Variants in NTM observed in about 807,000 individuals in gnomAD.
NTM encodes the protein neurotrimin, also known as IgLON family member 2.
A neutral mutation model predicts 42.1 loss-of-function variants in NTM; 13 were observed. The ratio of observed to expected loss-of-function variants is 0.31; its 90% CI spans 0.20 to 0.49. NTM has a LOEUF of 0.49. NTM is among the 20% of genes least tolerant of loss of function. The probability of loss-of-function intolerance (pLI) is 0.99; values close to 1 mark genes in which losing one functional copy is unlikely to be tolerated. For synonymous variants in NTM, 187 were observed against 179.2 expected, an observed-to-expected ratio of 1.04 and a Z score of -0.35; for missense variants, 373 against 452.8, an observed-to-expected ratio of 0.82 and a Z score of 1.60.
chr11:131,385,334 G>T (rs554653125), intron 1 of NTM: 1 of 152,254 alleles, frequency 6.6e-6, no homozygotes, highest in South Asian at 2.1e-4. Context: ...ATATGGTTAA[G>T]GCAATTCTAC....
At chr11:131,996,510 A>G (rs541520341) in intron 2 of NTM, among the ~76,000 whole-genome samples, 2 of 152,282 alleles carry the variant, frequency 1.3e-5, no homozygotes, top group East Asian at 3.9e-4. Context: ...CCGTCCATTC[A>G]TTAAGATGCT....
At chr11:131,769,597 T>C (rs773449301) in intron 1 of NTM, 39 of 983,370 alleles carry the variant, frequency 4.0e-5, no homozygotes, top group Non-Finnish European at 4.6e-5. Context: ...TGGATAATGC[T>C]GTCCTGCATG....
chr11:131,748,933 G>A (rs1343733136), intron 1 of NTM, among the ~76,000 whole-genome samples: 3 of 152,158 alleles, frequency 2.0e-5, no homozygotes, highest in Admixed American at 6.5e-5. Flanking sequence ...GCCCCGGCTC[G>A]GCCTTTCTCT....
At chr11:132,166,750 G>A (rs550312857) in intron 3 of NTM, among the ~76,000 whole-genome samples, 2 of 152,182 alleles carry the variant, frequency 1.3e-5, no homozygotes, top group Non-Finnish European at 2.9e-5. Context: ...CACGATGAGT[G>A]AGTCTGGCAC....
At chr11:131,891,953 T>C (rs2051413035) in intron 1 of NTM, among the ~76,000 whole-genome samples, 1 of 152,232 alleles carries the variant, frequency 6.6e-6, no homozygotes, top group South Asian at 2.1e-4. Flanking sequence ...CTCTCTAAAA[T>C]GAGCCACAGC....
intron 1 of NTM, among the ~76,000 whole-genome samples, chr11:131,879,849 CA>C (rs1163939963): frequency 1.3e-5 from 2 of 152,068 alleles, no homozygotes; most frequent in Non-Finnish European, 2.9e-5. Context: ...CTTTATGTTT[CA>C]ATGGTCTGTG....
At chr11:131,731,079 A>G (rs924919138) in intron 1 of NTM, among the ~76,000 whole-genome samples, 2 of 152,058 alleles carry the variant, frequency 1.3e-5, no homozygotes, top group East Asian at 1.9e-4. Context: ...ATGATTTTTT[A>G]TGCTATAAAA....
At chr11:132,142,512 A>C (rs10791210) in intron 2 of NTM, among the ~76,000 whole-genome samples, 17,029 of 151,944 alleles carry the variant, frequency 0.11, 1,223 homozygotes, top group African/African-American at 0.2. Context: ...TTAACCGAGG[A>C]GCGATGTGTC....
chr11:131,873,934 T>G (rs2048172074), intron 1 of NTM, among the ~76,000 whole-genome samples: 1 of 138,208 alleles, frequency 7.2e-6, no homozygotes, highest in African/African-American at 2.6e-5. Context: ...TGTGTTAGTT[T>G]GCTGAGAATG....
intron 1 of NTM, among the ~76,000 whole-genome samples, chr11:131,812,685 T>A (rs1237743970): frequency 6.6e-6 from 1 of 152,092 alleles, no homozygotes; most frequent in African/African-American, 2.4e-5. Context: ...GGGAGCTGTC[T>A]GATAAACAGG....
intron 1 of NTM, among the ~76,000 whole-genome samples, chr11:131,744,253 A>G (rs1204894514): frequency 6.6e-6 from 1 of 152,248 alleles, no homozygotes; most frequent in African/African-American, 2.4e-5. Context: ...TAAATTCCAT[A>G]CAAATAATTT....
At chr11:131,661,115 T>C in intron 1 of NTM, 1 of 1,128,664 alleles carries the variant, frequency 8.9e-7, no homozygotes, top group Non-Finnish European at 1.2e-6. Context: ...CTAGATTCGG[T>C]GGAGATTCCT....
intron 1 of NTM, among the ~76,000 whole-genome samples, chr11:131,404,659 T>C (rs1163578968): frequency 6.6e-6 from 1 of 152,156 alleles, no homozygotes; most frequent in Non-Finnish European, 1.5e-5. Flanking sequence ...CATCCATATT[T>C]TCATGTCTCT....
intron 1 of NTM, among the ~76,000 whole-genome samples, chr11:131,698,884 C>T (rs1294644003): frequency 6.6e-6 from 1 of 152,264 alleles, no homozygotes; most frequent in East Asian, 1.9e-4. Context: ...CTGCTTTTTT[C>T]AAATCTCTCT....
At chr11:131,883,405 C>T (rs2049867451) in intron 1 of NTM, among the ~76,000 whole-genome samples, 1 of 152,134 alleles carries the variant, frequency 6.6e-6, no homozygotes, top group Admixed American at 6.6e-5. Context: ...TCTCTCAAGG[C>T]ATCCAGAGCC....
At chr11:131,859,156 G>T (rs940515973) in intron 1 of NTM, among the ~76,000 whole-genome samples, 1 of 152,130 alleles carries the variant, frequency 6.6e-6, no homozygotes, top group Non-Finnish European at 1.5e-5. Context: ...GAGACACATC[G>T]GGTGTCTTCC....
intron 1 of NTM, among the ~76,000 whole-genome samples, chr11:131,612,022 T>C (rs1265840161): frequency 6.6e-6 from 1 of 152,202 alleles, no homozygotes; most frequent in Non-Finnish European, 1.5e-5. Context: ...TGATGGCATG[T>C]GACTTCAGAG....
chr11:131,860,160 G>A (rs1592327009), intron 1 of NTM, among the ~76,000 whole-genome samples: 1 of 152,198 alleles, frequency 6.6e-6, no homozygotes, highest in South Asian at 2.1e-4. Flanking sequence ...TTGAGGGAAG[G>A]ACAAGAGCTA....
At chr11:131,883,335 T>C (rs1197749506) in intron 1 of NTM, among the ~76,000 whole-genome samples, 1 of 152,214 alleles carries the variant, frequency 6.6e-6, no homozygotes, top group Non-Finnish European at 1.5e-5. Context: ...TTCTCCATCA[T>C]GATGCCACAA....
Sources: gnomAD v4.1 joint callset for allele counts (sites outside exome capture counted in the v4.1 genomes callset) on GRCh38, gnomAD v4.1.1 for gene constraint, MANE v1.5 for transcripts, NCBI Gene and HGNC (gene_info 2026-07-23, HGNC 2026-07-21) for gene names.